TDRD5: variants seen among roughly 807,000 people sequenced by gnomAD.
TDRD5 encodes the protein tudor domain-containing protein 5.
In TDRD5, 41 loss-of-function variants were observed where a neutral mutation model predicts 120.6. That is an observed-to-expected ratio of 0.34 (90% CI 0.26 to 0.44). TDRD5 has a LOEUF of 0.44. Ranked by LOEUF, TDRD5 falls within the 20% of genes least tolerant of loss-of-function variation. The pLI, the probability that TDRD5 is intolerant of heterozygous loss-of-function variation, is 1.00. For synonymous variants in TDRD5, 430 were observed against 433.7 expected (o/e 0.99, Z 0.11); for missense variants, 1,006 against 1,221.2 (o/e 0.82, Z 2.63).
chr1:179,675,273 A>ATTATTATT (rs1444171268), intron 17 of TDRD5, among the ~76,000 whole-genome samples: 3 of 66,622 alleles, frequency 4.5e-5, no homozygotes, highest in Non-Finnish European at 9.1e-5. Context: ...TATTATTATT[A>ATTATTATT]TTTTTTTTTT....
At chr1:179,645,610 T>C (rs1350024710) in intron 11 of TDRD5, among the ~76,000 whole-genome samples, 1 of 152,234 alleles carries the variant, frequency 6.6e-6, no homozygotes, top group Non-Finnish European at 1.5e-5. Context: ...GTCAACTTTA[T>C]TGTGTGAAAC....
intron 7 of TDRD5, 83 bp downstream of exon 7, chr1:179,631,003 C>A: frequency 7.5e-7 from 1 of 1,331,078 alleles, no homozygotes; most frequent in South Asian, 1.6e-5. Flanking sequence ...AATGCCTAGC[C>A]ATGAAATGTT....
chr1:179,641,697 G>A (rs1468640067), intron 11 of TDRD5, among the ~76,000 whole-genome samples: 2 of 152,080 alleles, frequency 1.3e-5, no homozygotes, highest in South Asian at 2.1e-4. Flanking sequence ...AATAGTAATC[G>A]TAATATTTTG....
At chr1:179,667,686 A>G (rs1276116657) in intron 16 of TDRD5, among the ~76,000 whole-genome samples, 1 of 152,252 alleles carries the variant, frequency 6.6e-6, no homozygotes, top group Non-Finnish European at 1.5e-5. Flanking sequence ...TGAATTGCAT[A>G]AACTATGCAA....
intron 14 of TDRD5, among the ~76,000 whole-genome samples, chr1:179,660,332 G>A (rs1415962410): frequency 2.1e-5 from 3 of 142,822 alleles, no homozygotes; most frequent in Non-Finnish European, 4.5e-5. Flanking sequence ...CCATTCTCCT[G>A]CCTCAGCCTC....
At chr1:179,680,561 CTATT>C (rs535384167) in intron 17 of TDRD5, among the ~76,000 whole-genome samples, 68 of 152,266 alleles carry the variant, frequency 4.5e-4, no homozygotes, top group African/African-American at 1.6e-3. Context: ...GCTTTGAAAT[CTATT>C]TAGTTGATAT....
At chr1:179,610,909 T>C (rs1383448300) in intron 4 of TDRD5, among the ~76,000 whole-genome samples, 1 of 152,330 alleles carries the variant, frequency 6.6e-6, no homozygotes, top group Non-Finnish European at 1.5e-5. Flanking sequence ...AGAGACTTCA[T>C]GCATTTCATT....
chr1:179,621,195 A>T, intron 6 of TDRD5, 104 bp downstream of exon 6: 1 of 923,494 alleles, frequency 1.1e-6, no homozygotes, highest in Non-Finnish European at 1.6e-6. Context: ...TCTATGCTCT[A>T]AAACGGAAAC....
intron 16 of TDRD5, among the ~76,000 whole-genome samples, chr1:179,663,708 T>C (rs1679429927): frequency 6.6e-6 from 1 of 152,198 alleles, no homozygotes; most frequent in Admixed American, 6.5e-5. Flanking sequence ...ATGACCTCTC[T>C]CAGCAGTTGT....
intron 16 of TDRD5, among the ~76,000 whole-genome samples, chr1:179,668,577 G>A (rs1337781755): frequency 6.6e-6 from 1 of 152,128 alleles, no homozygotes; most frequent in African/African-American, 2.4e-5. Context: ...GGGGTGCTCA[G>A]TGAACATCAC....
intron 4 of TDRD5, among the ~76,000 whole-genome samples, chr1:179,602,942 C>T (rs950343616): frequency 2.0e-5 from 3 of 151,928 alleles, no homozygotes; most frequent in Non-Finnish European, 1.5e-5. Context: ...ATGGGGATTC[C>T]GTTGAATTTG....
At position 179,593,524 on chromosome 1, in the gene TDRD5, G is replaced by A. The variant is rs1572316894; in HGVS notation, c.297G>A (p.Lys99=). 1 of 1,614,210 alleles carries A rather than the reference G, an allele frequency of 6.2e-7. No homozygotes were observed. The highest frequency in any genetic ancestry group is 8.5e-7 in the Non-Finnish European group (1 of 1,180,024). The change falls in exon 3 of 18, where the codon AAG becomes AAA. Residue 99 remains lysine (K), a synonymous_variant. Coordinates refer to ENST00000444136, the MANE Select transcript of TDRD5 (RefSeq NM_001199085.3). ...TTGCAAAACAGAGGAGCAGCCATAA[G>A]CTTCGAAACTCAATGCATAAGGGAA... ...SLVAKQRSSH[K]LRNSMHKGRP...
chr1:179,677,132 G>A (rs912392325), intron 17 of TDRD5, among the ~76,000 whole-genome samples: 2 of 151,892 alleles, frequency 1.3e-5, no homozygotes, highest in East Asian at 1.9e-4. Context: ...CTGCTTGTTC[G>A]ATTCTATTGC....
intron 4 of TDRD5, among the ~76,000 whole-genome samples, chr1:179,613,410 G>A (rs529723128): frequency 6.6e-6 from 1 of 152,244 alleles, no homozygotes; most frequent in African/African-American, 2.4e-5. Flanking sequence ...ATTCCATACT[G>A]CCTGGCTTTA....
chr1:179,675,252 ATTT>A (rs1362971869), intron 17 of TDRD5, among the ~76,000 whole-genome samples: 155 of 93,438 alleles, frequency 1.7e-3, no homozygotes, highest in Admixed American at 7.0e-3. Context: ...AGTTCAAAGA[ATTT>A]TTATTATTAT....
intron 7 of TDRD5, among the ~76,000 whole-genome samples, chr1:179,631,912 CT>C (rs1163945458): frequency 4.9e-3 from 100 of 20,598 alleles, no homozygotes; most frequent in Admixed American, 7.9e-3. Context: ...TTTTTCTTTT[CT>C]TTTTTTTTTT....
At chr1:179,618,473 A>G in intron 4 of TDRD5, 126 bp from the exon 5 acceptor site, 2 of 549,420 alleles carry the variant, frequency 3.6e-6, no homozygotes, top group Non-Finnish European at 6.3e-6. Context: ...TAAGAACAGT[A>G]TTTTGTCTAT....
intron 14 of TDRD5, among the ~76,000 whole-genome samples, chr1:179,654,995 G>A (rs1040313922): frequency 3.9e-5 from 6 of 152,102 alleles, no homozygotes; most frequent in African/African-American, 1.4e-4. Flanking sequence ...TTTGGAGGAT[G>A]TATTTTTATT....
intron 17 of TDRD5, among the ~76,000 whole-genome samples, chr1:179,671,575 A>G (rs1268407585): frequency 1.3e-5 from 2 of 149,950 alleles, no homozygotes; most frequent in African/African-American, 2.5e-5. Context: ...AGGACAAATT[A>G]TATGATTTTT....
Sources: gnomAD v4.1 joint callset for allele counts (sites outside exome capture counted in the v4.1 genomes callset) on GRCh38, gnomAD v4.1.1 for gene constraint, MANE v1.5 for transcripts, NCBI Gene and HGNC (gene_info 2026-07-23, HGNC 2026-07-21) for gene names.